The following MOXD1 variants were observed in gnomAD, a reference collection of about 807,000 sequenced individuals.
The protein encoded by MOXD1 is DBH-like monooxygenase protein 1.
A neutral mutation model predicts 66.6 loss-of-function variants in MOXD1; 62 were observed. The ratio of observed to expected loss-of-function variants is 0.93; its 90% confidence interval spans 0.76 to 1.15. MOXD1 has a LOEUF of 1.15. Ranked by LOEUF, MOXD1 falls within the 50% of genes most tolerant of loss-of-function variation. MOXD1 has a pLI of 0.00. For synonymous variants in MOXD1, 303 were observed against 281.9 expected, an observed-to-expected ratio of 1.07 and a Z score of -0.75; for missense variants, 847 against 754.6, an observed-to-expected ratio of 1.12 and a Z score of -1.44.
intron 10 of MOXD1, among the ~76,000 whole-genome samples, chr6:132,308,956 G>T (rs576098232): frequency 5.3e-5 from 8 of 152,266 alleles, no homozygotes; most frequent in Non-Finnish European, 1.0e-4. Context: ...TTGAAAACTG[G>T]TACAAGACAA....
At chr6:132,333,995 A>G (rs1472547125) in intron 4 of MOXD1, among the ~76,000 whole-genome samples, 3 of 152,206 alleles carry the variant, frequency 2.0e-5, no homozygotes, top group Non-Finnish European at 2.9e-5. Flanking sequence ...AACAATAAAC[A>G]GTTGCTCAAG....
chr6:132,392,899 C>T (rs1776797167), intron 1 of MOXD1, among the ~76,000 whole-genome samples: 1 of 152,108 alleles, frequency 6.6e-6, no homozygotes, highest in Non-Finnish European at 1.5e-5. Flanking sequence ...ATGCCAGGTC[C>T]CTGGATATAG....
chr6:132,361,663 T>C (rs773751805), intron 4 of MOXD1, among the ~76,000 whole-genome samples: 1 of 152,070 alleles, frequency 6.6e-6, no homozygotes, highest in African/African-American at 2.4e-5. Flanking sequence ...ACAACCACTA[T>C]CATCACAAAA....
chr6:132,382,863 T>C (rs1776539628), intron 1 of MOXD1, among the ~76,000 whole-genome samples: 1 of 152,208 alleles, frequency 6.6e-6, no homozygotes, highest in African/African-American at 2.4e-5. Context: ...CTATGACCTC[T>C]TGTTTAAAAG....
At chr6:132,350,861 T>C (rs1175812986) in intron 4 of MOXD1, among the ~76,000 whole-genome samples, 3 of 152,150 alleles carry the variant, frequency 2.0e-5, no homozygotes, top group Non-Finnish European at 4.4e-5. Context: ...GGTATATTTC[T>C]AAGTTTTTTG....
At chr6:132,391,993 T>G in intron 1 of MOXD1, 1 of 549,158 alleles carries the variant, frequency 1.8e-6, no homozygotes, top group Non-Finnish European at 3.1e-6. Context: ...TGCCTGGAAA[T>G]TGGGGGGCAT....
chr6:132,351,597 G>A (rs1775804020), intron 4 of MOXD1, among the ~76,000 whole-genome samples: 1 of 152,074 alleles, frequency 6.6e-6, no homozygotes, highest in South Asian at 2.1e-4. Flanking sequence ...TCGGTCAGTA[G>A]TTTTCTCTTT....
At chr6:132,337,693 C>A (rs1775468501) in intron 4 of MOXD1, among the ~76,000 whole-genome samples, 1 of 152,166 alleles carries the variant, frequency 6.6e-6, no homozygotes, top group African/African-American at 2.4e-5. Context: ...CAGAACATTA[C>A]TTTTAAGACA....
At chr6:132,375,026 G>T in intron 1 of MOXD1, 1 of 565,886 alleles carries the variant, frequency 1.8e-6, no homozygotes, top group Non-Finnish European at 3.1e-6. Context: ...TGGAATGAAT[G>T]AACATTTGAT....
At chr6:132,373,286 T>C (rs139452408) in intron 2 of MOXD1, among the ~76,000 whole-genome samples, 2 of 152,350 alleles carry the variant, frequency 1.3e-5, no homozygotes, top group African/African-American at 4.8e-5. Flanking sequence ...CTTTGAAGTA[T>C]ATGACAACAA....
At chr6:132,363,224 A>AC (rs1249766636) in intron 4 of MOXD1, among the ~76,000 whole-genome samples, 1 of 74,992 alleles carries the variant, frequency 1.3e-5, no homozygotes, top group Non-Finnish European at 2.3e-5. Context: ...ATAAAAAACA[A>AC]AAAAAAAAAA....
intron 1 of MOXD1, among the ~76,000 whole-genome samples, chr6:132,377,956 C>T (rs1192326648): frequency 1.3e-5 from 2 of 151,880 alleles, no homozygotes; most frequent in Non-Finnish European, 2.9e-5. Context: ...GGTGAAACCC[C>T]GTCTCTACTA....
intron 4 of MOXD1, among the ~76,000 whole-genome samples, chr6:132,366,786 G>A (rs1776150459): frequency 6.6e-6 from 1 of 152,100 alleles, no homozygotes; most frequent in African/African-American, 2.4e-5. Context: ...AGGCAGCAAT[G>A]TCCATTTGAC....
chr6:132,315,213 T>C (rs1774915937), intron 10 of MOXD1, among the ~76,000 whole-genome samples: 1 of 152,184 alleles, frequency 6.6e-6, no homozygotes, highest in African/African-American at 2.4e-5. Flanking sequence ...GCTTCTCCAA[T>C]AGACAACATT....
At chr6:132,318,194 T>C (rs1271362848) in intron 9 of MOXD1, among the ~76,000 whole-genome samples, 1 of 152,072 alleles carries the variant, frequency 6.6e-6, no homozygotes, top group East Asian at 1.9e-4. Context: ...AAACACATTC[T>C]GCAAAAGTAA....
chr6:132,387,999 G>T (rs1776687176), intron 1 of MOXD1, among the ~76,000 whole-genome samples: 1 of 151,166 alleles, frequency 6.6e-6, no homozygotes, highest in Non-Finnish European at 1.5e-5. Flanking sequence ...AGTCATTAAT[G>T]ATTACAAGGT....
At chr6:132,341,715 C>A (rs1268387190) in intron 4 of MOXD1, among the ~76,000 whole-genome samples, 5 of 152,168 alleles carry the variant, frequency 3.3e-5, no homozygotes, top group Admixed American at 2.0e-4. Flanking sequence ...TTCATTCGTG[C>A]TGTTTTCCCC....
intron 4 of MOXD1, among the ~76,000 whole-genome samples, chr6:132,347,295 G>A (rs1432385674): frequency 6.6e-6 from 1 of 152,142 alleles, no homozygotes; most frequent in Non-Finnish European, 1.5e-5. Flanking sequence ...GGATACAGTG[G>A]AGATACAAGG....
chr6:132,377,707 G>GA (rs1287896721), intron 1 of MOXD1, among the ~76,000 whole-genome samples: 3 of 152,054 alleles, frequency 2.0e-5, no homozygotes, highest in East Asian at 1.9e-4. Flanking sequence ...TGAACTCCCG[G>GA]AAAAAAGAAG....
Sources: gnomAD v4.1 joint callset for allele counts (sites outside exome capture counted in the v4.1 genomes callset) on GRCh38, gnomAD v4.1.1 for gene constraint, MANE v1.5 for transcripts, NCBI Gene and HGNC (gene_info 2026-07-23, HGNC 2026-07-21) for gene names.